Variants in ADGRB3 observed in about 807,000 individuals in gnomAD.
ADGRB3 encodes the protein adhesion G protein-coupled receptor B3.
In ADGRB3, 37 loss-of-function variants were observed where a neutral mutation model predicts 193.4. That is an observed-to-expected ratio of 0.19 (90% CI 0.15 to 0.25). ADGRB3 has a LOEUF of 0.25. ADGRB3 is among the 10% of genes least tolerant of loss of function. The pLI, the probability that ADGRB3 is intolerant of heterozygous loss-of-function variation, is 1.00. For synonymous variants in ADGRB3, 690 were observed against 644.2 expected, an observed-to-expected ratio of 1.07 and a Z score of -1.08; for missense variants, 1,637 against 1,852.9, an observed-to-expected ratio of 0.88 and a Z score of 2.14.
intron 17 of ADGRB3, among the ~76,000 whole-genome samples, chr6:69,141,143 G>GTGGC: frequency 7.4e-6 from 1 of 135,214 alleles, no homozygotes; most frequent in East Asian, 2.4e-4. Context: ...GGGGCGGTGG[G>GTGGC]GACGGAGTCT....
chr6:68,877,693 G>T (rs1008758388), intron 3 of ADGRB3, among the ~76,000 whole-genome samples: 1 of 151,920 alleles, frequency 6.6e-6, no homozygotes, highest in Non-Finnish European at 1.5e-5. Context: ...GCAATTTATT[G>T]GTTTAAAAAT....
intron 8 of ADGRB3, among the ~76,000 whole-genome samples, chr6:68,961,594 T>G (rs1057477351): frequency 2.6e-5 from 4 of 152,148 alleles, no homozygotes; most frequent in Non-Finnish European, 5.9e-5. Flanking sequence ...TGAGACAAAT[T>G]TAACAAGTTA....
At position 68,948,038 on chromosome 6, in the gene ADGRB3, C is replaced by T. The variant is rs1417732170; in HGVS notation, c.1195+4044C>T. Reference sequence around the variant, plus strand: ...TTTAAGGAAGCGAGCGGCCTTTGTTCTGAACCGGATGCTGTTCGGAAGGTG... The same window carrying T: ...TTTAAGGAAGCGAGCGGCCTTTGTTTTGAACCGGATGCTGTTCGGAAGGTG... On this transcript the variant is annotated intron_variant, in intron 6 of 31. Coordinates refer to ENST00000370598, the MANE Select transcript of ADGRB3 (RefSeq NM_001704.3). Among the ~76,000 whole-genome samples the T allele has an allele frequency of 3.3e-5, 5 of 152,206 alleles. No homozygotes were observed. The East Asian group carries it at 7.7e-4, about 24-fold the overall frequency.
At chr6:68,829,248 C>T (rs1438603715) in intron 3 of ADGRB3, among the ~76,000 whole-genome samples, 1 of 151,776 alleles carries the variant, frequency 6.6e-6, no homozygotes, top group Admixed American at 6.6e-5. Flanking sequence ...TACAGGCTCC[C>T]GCCACCATGC....
At chr6:68,870,042 G>C (rs1483365377) in intron 3 of ADGRB3, among the ~76,000 whole-genome samples, 16 of 152,206 alleles carry the variant, frequency 1.1e-4, no homozygotes, top group Admixed American at 9.8e-4. Flanking sequence ...GCCTCCCCAA[G>C]TGCTGGGATT....
intron 17 of ADGRB3, among the ~76,000 whole-genome samples, chr6:69,226,647 C>T (rs1361836137): frequency 1.3e-5 from 2 of 152,198 alleles, no homozygotes; most frequent in Non-Finnish European, 2.9e-5. Context: ...ATTTTAGTGG[C>T]TTAAAACAAC....
intron 3 of ADGRB3, among the ~76,000 whole-genome samples, chr6:68,877,187 G>A (rs1765616890): frequency 6.6e-6 from 1 of 151,806 alleles, no homozygotes; most frequent in Admixed American, 6.6e-5. Context: ...AAATTTATGT[G>A]TAAATTAATG....
chr6:69,139,640 T>C (rs529619356), intron 17 of ADGRB3, among the ~76,000 whole-genome samples: 7 of 152,344 alleles, frequency 4.6e-5, no homozygotes, highest in Admixed American at 2.0e-4. Context: ...ACTTTATATA[T>C]TCCCTAAATT....
intron 6 of ADGRB3, among the ~76,000 whole-genome samples, chr6:68,944,663 C>G (rs965259551): frequency 6.6e-6 from 1 of 152,042 alleles, no homozygotes. Flanking sequence ...TAGAGGGAAG[C>G]CTTCACAATG....
intron 3 of ADGRB3, among the ~76,000 whole-genome samples, chr6:68,755,765 G>C (rs2127348996): frequency 6.6e-6 from 1 of 152,258 alleles, no homozygotes; most frequent in South Asian, 2.1e-4. Context: ...TTGGGTGCCA[G>C]GAAGTGGAGA....
At chr6:68,722,026 G>A (rs1765592962) in intron 3 of ADGRB3, among the ~76,000 whole-genome samples, 1 of 151,208 alleles carries the variant, frequency 6.6e-6, no homozygotes, top group Non-Finnish European at 1.5e-5. Flanking sequence ...CTACAGTTGT[G>A]TCTACATTAT....
intron 17 of ADGRB3, among the ~76,000 whole-genome samples, chr6:69,216,266 TA>T (rs2127244631): frequency 6.6e-6 from 1 of 152,296 alleles, no homozygotes; most frequent in Admixed American, 6.5e-5. Flanking sequence ...TTTCCATCTC[TA>T]AAGACTATTG....
Position 68,948,065 on chromosome 6 carries a change from G to GACA in ADGRB3, c.1195+4073_1195+4075dup, listed in dbSNP as rs1157246133. Among the ~76,000 whole-genome samples, 11 of 152,268 alleles carry GACA rather than the reference G, an allele frequency of 7.2e-5. No individual in the cohort carries two copies. In the East Asian group the frequency reaches 2.1e-3, roughly 29 times the overall value. ...GAACCGGATGCTGTTCGGAAGGTGT[G>GACA]ACAATTCTATGGTTGGATAATAAAC... On this transcript the variant is annotated intron_variant, in intron 6 of 31. Transcript: ENST00000370598.
At chr6:68,788,018 T>C (rs1465722651) in intron 3 of ADGRB3, among the ~76,000 whole-genome samples, 1 of 152,206 alleles carries the variant, frequency 6.6e-6, no homozygotes, top group Non-Finnish European at 1.5e-5. Flanking sequence ...TATCATTTTT[T>C]ATTGCGTCTA....
At chr6:69,287,329 A>C (rs1161967636) in intron 20 of ADGRB3, among the ~76,000 whole-genome samples, 1 of 152,194 alleles carries the variant, frequency 6.6e-6, no homozygotes, top group Non-Finnish European at 1.5e-5. Context: ...AGAGGAATTG[A>C]GATTTCCTCA....
In ADGRB3 at chr6:69,052,011, C is replaced by T. The variant is rs568192909; in HGVS notation, c.2333+2665C>T. Among the ~76,000 whole-genome samples the T allele has an allele frequency of 3.0e-3, 455 of 152,306 alleles. 2 individuals are homozygous for T. The highest frequency in any genetic ancestry group is 5.3e-3 in the Non-Finnish European group (363 of 68,024). On this transcript the variant is annotated intron_variant, in intron 15 of 31. Coordinates refer to ENST00000370598, the MANE Select transcript of ADGRB3 (RefSeq NM_001704.3). ...GTTCACACCATTCTCCTGCCTCAGC[C>T]TCCTGAATAGCTGGGACTTCAGGCG...
At chr6:68,741,342 A>G (rs1765976573) in intron 3 of ADGRB3, among the ~76,000 whole-genome samples, 2 of 152,170 alleles carry the variant, frequency 1.3e-5, no homozygotes, top group Non-Finnish European at 2.9e-5. Context: ...GAGAGCTGGT[A>G]TTTGAATACA....
chr6:69,184,889 G>C (rs1791199093), intron 17 of ADGRB3, among the ~76,000 whole-genome samples: 2 of 152,088 alleles, frequency 1.3e-5, no homozygotes, highest in Non-Finnish European at 2.9e-5. Context: ...TTAAATGTCT[G>C]ATTTGAAGAT....
intron 6 of ADGRB3, among the ~76,000 whole-genome samples, chr6:68,946,782 A>G (rs1260271182): frequency 6.6e-6 from 1 of 152,156 alleles, no homozygotes; most frequent in Non-Finnish European, 1.5e-5. Context: ...AAAGCATTAT[A>G]GTCGTAAAGC....
Sources: gnomAD v4.1 joint callset for allele counts (sites outside exome capture counted in the v4.1 genomes callset) on GRCh38, gnomAD v4.1.1 for gene constraint, MANE v1.5 for transcripts, NCBI Gene and HGNC (gene_info 2026-07-23, HGNC 2026-07-21) for gene names.